The following RIN2 variants were observed in gnomAD, a reference collection of about 807,000 sequenced individuals.
The protein encoded by RIN2 is Ras and Rab interactor 2.
In RIN2, 36 loss-of-function variants were observed where a neutral mutation model predicts 78.0. That is an observed-to-expected ratio of 0.46 (90% CI 0.35 to 0.61). The LOEUF (loss-of-function observed/expected upper bound fraction) is 0.61. Among genes scored for constraint, RIN2 ranks in the 20% least tolerant of loss-of-function variants. The probability of loss-of-function intolerance (pLI) is 0.00; values close to 1 mark genes in which losing one functional copy is unlikely to be tolerated. For synonymous variants in RIN2, 466 were observed against 466.8 expected, an observed-to-expected ratio of 1.00 and a Z score of 0.02; for missense variants, 1,087 against 1,159.7, an observed-to-expected ratio of 0.94 and a Z score of 0.91.
intron 2 of RIN2, among the ~76,000 whole-genome samples, chr20:19,846,750 A>G (rs1429479661): frequency 6.6e-6 from 1 of 152,200 alleles, no homozygotes; most frequent in Non-Finnish European, 1.5e-5. Flanking sequence ...AACTTCCAAT[A>G]CTATGTTGAA....
chr20:19,924,498 T>C (rs1600822144), intron 3 of RIN2, among the ~76,000 whole-genome samples: 1 of 92,352 alleles, frequency 1.1e-5, no homozygotes, highest in Non-Finnish European at 2.2e-5. Flanking sequence ...CCCACCTTCA[T>C]ACCCCCACCT....
At chr20:19,829,162 G>A (rs994321477) in intron 2 of RIN2, among the ~76,000 whole-genome samples, 1 of 152,150 alleles carries the variant, frequency 6.6e-6, no homozygotes, top group Non-Finnish European at 1.5e-5. Context: ...GGTTCATGGA[G>A]GTTCTGATTG....
At chr20:19,901,888 C>T (rs75612405) in intron 3 of RIN2, among the ~76,000 whole-genome samples, 3,587 of 151,712 alleles carry the variant, frequency 0.024, 129 homozygotes, top group African/African-American at 0.082. Flanking sequence ...GTGGTGCAGG[C>T]GCCTGTAATC....
chr20:19,765,386 G>T (rs1385586907), intron 1 of RIN2, among the ~76,000 whole-genome samples: 2 of 152,188 alleles, frequency 1.3e-5, no homozygotes, highest in Non-Finnish European at 2.9e-5. Flanking sequence ...GATCCCTGGG[G>T]TGGCTGGTGA....
chr20:20,000,478 C>T (rs1311293228), intron 12 of RIN2, 135 bp from the exon 13 acceptor site: 5 of 680,266 alleles, frequency 7.4e-6, no homozygotes, highest in South Asian at 2.1e-5. Flanking sequence ...TTCGAAGCCT[C>T]GTGGCCTGAC....
At chr20:19,880,934 A>C (rs150360558) in intron 2 of RIN2, among the ~76,000 whole-genome samples, 2,864 of 152,340 alleles carry the variant, frequency 0.019, 46 homozygotes, top group Middle Eastern at 0.034. Flanking sequence ...GCTTCCTTTA[A>C]CTATTCCCGA....
At chr20:19,899,620 G>C (rs1356744100) in intron 3 of RIN2, among the ~76,000 whole-genome samples, 3 of 152,154 alleles carry the variant, frequency 2.0e-5, no homozygotes, top group African/African-American at 7.2e-5. Flanking sequence ...AGTCTCATCT[G>C]AAGGCTTGAC....
intron 4 of RIN2, among the ~76,000 whole-genome samples, chr20:19,953,124 G>A (rs895948437): frequency 4.7e-5 from 7 of 150,406 alleles, no homozygotes; most frequent in Non-Finnish European, 7.4e-5. Context: ...TTGCACGTTG[G>A]GATCCCCTGG....
chr20:19,990,342 C>A lies in RIN2; in HGVS notation c.2068+31C>A, dbSNP rs772453624. The A allele has an allele frequency of 2.5e-6, 4 of 1,580,716 alleles. No homozygotes were observed. In the African/African-American group the frequency reaches 4.0e-5, roughly 16 times the overall value. On this transcript the variant is annotated intron_variant, in intron 10 of 12. Transcript: ENST00000255006. ...GCCGCTGGAAGCCCAGGCTTCGTGCCGCTTCCCTTCCGGGCCGGGGACAGG... is the reference window on the plus strand; with the variant it reads ...GCCGCTGGAAGCCCAGGCTTCGTGCAGCTTCCCTTCCGGGCCGGGGACAGG...
At chr20:19,835,522 C>T (rs111781087) in intron 2 of RIN2, among the ~76,000 whole-genome samples, 3 of 152,166 alleles carry the variant, frequency 2.0e-5, no homozygotes, top group African/African-American at 7.2e-5. Context: ...AAGGAGTAAA[C>T]CGAATTTCAC....
At position 19,816,549 on chromosome 20, in the gene RIN2, G is replaced by T. The variant is rs143070426; in HGVS notation, c.-37+16802G>T. On this transcript the variant is annotated intron_variant, in intron 2 of 12. Coordinates refer to ENST00000255006, the MANE Select transcript of RIN2 (RefSeq NM_018993.4). ...TTGATCCTTGGGTAGCCTTGGGAAAGAATTTTTGCCTTGCTAGGCCTCGGG... is the reference window on the plus strand; with the variant it reads ...TTGATCCTTGGGTAGCCTTGGGAAATAATTTTTGCCTTGCTAGGCCTCGGG... Among the ~76,000 whole-genome samples, 748 of 152,304 alleles carry T rather than the reference G, an allele frequency of 4.9e-3. 6 individuals are homozygous for T. The highest frequency in any genetic ancestry group is 0.017 in the African/African-American group (710 of 41,572).
intron 3 of RIN2, among the ~76,000 whole-genome samples, chr20:19,920,789 G>C (rs967220882): frequency 6.6e-6 from 1 of 152,134 alleles, no homozygotes; most frequent in African/African-American, 2.4e-5. Flanking sequence ...CGATTCTCCT[G>C]TCTCAGCCCC....
At chr20:19,876,579 GA>G (rs5840861) in intron 2 of RIN2, among the ~76,000 whole-genome samples, 68,238 of 151,908 alleles carry the variant, frequency 0.45, 15,424 homozygotes, top group East Asian at 0.56. Flanking sequence ...GCGAAATGGG[GA>G]TATGTGAGTA....
intron 3 of RIN2, among the ~76,000 whole-genome samples, chr20:19,914,463 A>T (rs779098118): frequency 7.9e-5 from 12 of 152,208 alleles, no homozygotes; most frequent in African/African-American, 2.9e-4. Flanking sequence ...CATTGCATCA[A>T]AAAAATTTGC....
chr20:19,890,581 C>T (rs962133330), intron 3 of RIN2, among the ~76,000 whole-genome samples: 8 of 145,980 alleles, frequency 5.5e-5, no homozygotes, highest in Non-Finnish European at 1.2e-4. Context: ...TAACAATTAA[C>T]CAACCTTTAT....
chr20:19,777,538 T>A (rs2034352422), intron 1 of RIN2, among the ~76,000 whole-genome samples: 1 of 152,264 alleles, frequency 6.6e-6, no homozygotes, highest in Non-Finnish European at 1.5e-5. Flanking sequence ...CTGACCTCCC[T>A]GTCGCCTCAT....
Position 19,865,627 on chromosome 20 carries a change from A to G in RIN2, c.-36-23939A>G, listed in dbSNP as rs147753407. Among the ~76,000 whole-genome samples, 303 of 151,792 alleles carry G rather than the reference A, an allele frequency of 2.0e-3. 3 individuals carry two copies. The highest frequency in any genetic ancestry group is 6.8e-3 in the Middle Eastern group (2 of 294). On this transcript the variant is annotated intron_variant, in intron 2 of 12. Transcript: ENST00000255006. The stretch of plus-strand genomic sequence containing the variant: ...CTCAGCCTCTCAAAAAGCTAAAACT[A>G]TAGGCACACACCACCAGGCCCAGCT...
chr20:19,987,946 CA>C (rs926944610), intron 9 of RIN2, among the ~76,000 whole-genome samples: 2 of 152,176 alleles, frequency 1.3e-5, no homozygotes, highest in Non-Finnish European at 2.9e-5. Context: ...ATTGTGGGGT[CA>C]GCGTTAACTT....
intron 3 of RIN2, among the ~76,000 whole-genome samples, chr20:19,891,632 A>G (rs887739976): frequency 6.6e-6 from 1 of 152,242 alleles, no homozygotes; most frequent in Non-Finnish European, 1.5e-5. Context: ...GAGCCTGGCC[A>G]ACATGGCGAA....
Sources: allele counts gnomAD v4.1 joint callset (sites outside exome capture counted in the v4.1 genomes callset), GRCh38; gene constraint gnomAD v4.1.1; transcripts MANE v1.5; gene names NCBI Gene and HGNC (gene_info 2026-07-23, HGNC 2026-07-21).